The following CDKN1A variants were observed in gnomAD, a reference collection of about 807,000 sequenced individuals.
CDKN1A encodes cyclin-dependent kinase inhibitor 1.
Under a neutral mutation model 14.8 loss-of-function variants are expected in CDKN1A, and 14 were observed. The ratio of observed to expected loss-of-function variants is 0.94; its 90% CI spans 0.62 to 1.48. The LOEUF is 1.48. CDKN1A is among the 40% of genes most tolerant of loss of function. The pLI is 0.00. For missense variants in CDKN1A, 203 were observed against 231.7 expected, an observed-to-expected ratio of 0.88 and a Z score of 0.80; for synonymous variants, 92 against 93.5, an observed-to-expected ratio of 0.98 and a Z score of 0.09.
chr6:36,687,006 C>T lies in CDKN1A; in HGVS notation c.*1206C>T, dbSNP rs1181247844. 4.3e-6 allele frequency: 1 copy of T among 233,478 alleles called. No individual in the cohort carries two copies. Among genetic ancestry groups the T allele is most frequent in the African/African-American group, 2.2e-5 (1 of 45,334 alleles). The allele number at this position is 233,478 out of a possible 1,614,324, so 14.5% of individuals were successfully genotyped here. A position where few individuals can be genotyped will look rare whatever the true frequency, so the allele number is the denominator to read the frequency against. ...CATTTTAAGATGGTGGCAGTAGAGG[C>T]TATGGACAGGGCATGCCACGTGGGC... is the stretch of plus-strand genomic sequence containing the variant. On this transcript the variant is annotated 3_prime_UTR_variant, in exon 3 of 3. Coordinates refer to ENST00000244741, the MANE Select transcript of CDKN1A (RefSeq NM_000389.5).
chr6:36,677,210 G>A (rs1761722853), upstream of CDKN1A, among the ~76,000 whole-genome samples: 1 of 152,196 alleles, frequency 6.6e-6, no homozygotes, highest in Admixed American at 6.5e-5. Flanking sequence ...ATCCTGGCCT[G>A]ACTCCAGGGC....
chr6:36,684,408 C>G lies in CDKN1A; in HGVS notation c.307C>G (p.Gln103Glu), dbSNP rs1208209902. ...GCCTGGCACCTCACCTGCTCTGCTGCAGGGGACAGCAGAGGAAGACCATGT... is the reference window on the plus strand; with the variant it reads ...GCCTGGCACCTCACCTGCTCTGCTGGAGGGGACAGCAGAGGAAGACCATGT... Reference protein sequence around the residue: ...RRPGTSPALLQGTAEEDHVDL... With the variant: ...RRPGTSPALLEGTAEEDHVDL... Residue 103 changes from glutamine to glutamate, a missense_variant, in exon 2 of 3, where the codon CAG (glutamine) becomes GAG (glutamate). Gln to Glu is a conservative substitution (Grantham distance 29, BLOSUM62 2). Transcript: ENST00000244741. This position sits in a 1 kb window ranked among gnomAD's most constrained non-coding sequence, Gnocchi z 6.0. The G allele has an allele frequency of 6.2e-7, 1 of 1,613,392 alleles. No homozygotes were observed. The highest frequency in any genetic ancestry group is 8.5e-7 in the Non-Finnish European group (1 of 1,179,780).
At chr6:36,683,595 A>G (rs543672241) in intron 1 of CDKN1A, among the ~76,000 whole-genome samples, 22 of 152,326 alleles carry the variant, frequency 1.4e-4, no homozygotes, top group Non-Finnish European at 2.2e-4. Context: ...TACTTGGCAG[A>G]GCAGGGTTAC....
chr6:36,680,307 C>CGTGTGTGTGTGTGTGTGTGT lies in CDKN1A; in HGVS notation c.-6+1528_-6+1547dup, dbSNP rs59454180. Reference sequence around the variant, plus strand: ...GCGCGCGCGTGCGTGTCTGCGCGGGCGTGTGTGTGTGTGTGTGTGTGTGTG... The same window carrying CGTGTGTGTGTGTGTGTGTGT: ...GCGCGCGCGTGCGTGTCTGCGCGGGCGTGTGTGTGTGTGTGTGTGTGTGTGTGTGTGTGTGTGTGTGTGTG... On this transcript the variant is annotated intron_variant, in intron 1 of 2. Transcript: ENST00000244741. 4.2e-3 allele frequency among the ~76,000 whole-genome samples: 562 copies of CGTGTGTGTGTGTGTGTGTGT among 133,250 alleles called. 16 individuals carry two copies. Among genetic ancestry groups the CGTGTGTGTGTGTGTGTGTGT allele is most frequent in the Non-Finnish European group, 5.9e-3 (366 of 62,466 alleles). 87.4% of individuals were successfully genotyped at this position (133,250 alleles called of 152,430 possible).
chr6:36,681,207 T>C (rs551209736), intron 1 of CDKN1A, among the ~76,000 whole-genome samples: 12 of 152,104 alleles, frequency 7.9e-5, no homozygotes, highest in Admixed American at 2.6e-4. Flanking sequence ...CTGGATTAAG[T>C]TGGTCTCGGG....
At chr6:36,683,128 T>A (rs935518963) in intron 1 of CDKN1A, among the ~76,000 whole-genome samples, 2 of 152,208 alleles carry the variant, frequency 1.3e-5, no homozygotes, top group Non-Finnish European at 2.9e-5. Flanking sequence ...TAATCATACT[T>A]CTGTTTTCAA....
chr6:36,677,016 C>T (rs991476058), upstream of CDKN1A, among the ~76,000 whole-genome samples: 36 of 152,148 alleles, frequency 2.4e-4, no homozygotes, highest in Admixed American at 5.9e-4. Context: ...AATGTCTAGT[C>T]TATTTGAAAT....
At chr6:36,680,536 C>CAT (rs1191279154) in intron 1 of CDKN1A, 4 of 151,772 alleles carry the variant, frequency 2.6e-5, no homozygotes, top group African/African-American at 9.7e-5. Flanking sequence ...AGGAAACTGA[C>CAT]TCATCACTAC....
chr6:36,686,941 G>A lies in CDKN1A; in HGVS notation c.*1141G>A, dbSNP rs761473919. On this transcript the variant is annotated 3_prime_UTR_variant, in exon 3 of 3. Coordinates refer to ENST00000244741, the MANE Select transcript of CDKN1A (RefSeq NM_000389.5). The surrounding 1 kb of genome is among the most constrained non-coding windows in gnomAD (Gnocchi z 4.9). ...TCCTCATCCACCCCATCCCTCCCCA[G>A]TTCATTGCACTTTGATTAGCAGCGG... 8.1e-5 allele frequency: 19 copies of A among 233,742 alleles called. No individual in the cohort carries two copies. Among genetic ancestry groups the A allele is most frequent in the Admixed American group, 2.2e-4 (4 of 17,788 alleles). 14.5% of individuals were successfully genotyped at this position (233,742 alleles called of 1,614,324 possible).
rs1562041065 is a variant in CDKN1A at position 36,684,564 on chromosome 6, G to A, written c.445+18G>A. 2 of 1,610,932 alleles carry A rather than the reference G, an allele frequency of 1.2e-6. No homozygotes were observed. Among genetic ancestry groups the A allele is most frequent in the Non-Finnish European group, 1.7e-6 (2 of 1,177,536 alleles). On this transcript the variant is annotated intron_variant, in intron 2 of 2. Transcript: ENST00000244741. The surrounding 1 kb of genome is among the most constrained non-coding windows in gnomAD (Gnocchi z 6.0). ...CATGACAGGTGCGGACATGTGCACG[G>A]AAGGACTTTGTAAGGGACCAGGATT...
chr6:36,684,168 G>T lies in CDKN1A; in HGVS notation c.67G>T (p.Gly23Cys), dbSNP rs770464093. ...CAGCAAGGCCTGCCGCCGCCTCTTC[G>T]GCCCAGTGGACAGCGAGCAGCTGAG... Reference protein sequence around the residue: ...CGSKACRRLFGPVDSEQLSRD... With the variant: ...CGSKACRRLFCPVDSEQLSRD... The change falls in exon 2 of 3, where the codon GGC (glycine) becomes TGC (cysteine). Residue 23 changes from glycine (G) to cysteine (C), a missense_variant. By Grantham distance (159) the Gly-to-Cys change is radical. Transcript: ENST00000244741. This position sits in a 1 kb window ranked among gnomAD's most constrained non-coding sequence, Gnocchi z 6.0. 6.2e-7 allele frequency: 1 copy of T among 1,612,370 alleles called. No homozygotes were observed. Among genetic ancestry groups the T allele is most frequent in the South Asian group, 1.1e-5 (1 of 91,078 alleles).
At position 36,686,027 on chromosome 6, in the gene CDKN1A, A is replaced by G; in HGVS notation, c.*227A>G. ...TGAGAGGTTCCTAAGAGTGCTGGGC[A>G]TTTTTATTTTATGAAATACTATTTA... On this transcript the variant is annotated 3_prime_UTR_variant, in exon 3 of 3. Coordinates refer to ENST00000244741, the MANE Select transcript of CDKN1A (RefSeq NM_000389.5). This position sits in a 1 kb window ranked among gnomAD's most constrained non-coding sequence, Gnocchi z 4.9. 1 of 588,178 alleles carries G rather than the reference A, an allele frequency of 1.7e-6. No homozygotes were observed. Among genetic ancestry groups the G allele is most frequent in the Non-Finnish European group, 3.0e-6 (1 of 330,372 alleles). The allele number at this position is 588,178 out of a possible 1,614,324, so 36.4% of individuals were successfully genotyped here.
At chr6:36,680,805 A>C (rs1009535142) in intron 1 of CDKN1A, 2 of 152,292 alleles carry the variant, frequency 1.3e-5, no homozygotes, top group Admixed American at 6.5e-5. Flanking sequence ...ATATGGCTGA[A>C]GTCTAAGGCA....
upstream of CDKN1A, chr6:36,677,812 G>A (rs1326858036): frequency 3.2e-6 from 4 of 1,252,066 alleles, no homozygotes; most frequent in East Asian, 7.0e-5. Flanking sequence ...CTGAGCCCCA[G>A]TTTCCCCAGC....
intron 1 of CDKN1A, among the ~76,000 whole-genome samples, chr6:36,681,875 T>C (rs976892597): frequency 6.6e-6 from 1 of 152,122 alleles, no homozygotes; most frequent in Non-Finnish European, 1.5e-5. Context: ...ATTACAGGTG[T>C]GAGACACTGC....
Position 36,684,230 on chromosome 6 carries a change from G to A in CDKN1A, c.129G>A (p.Gln43=), listed in dbSNP as rs2150313215. 6.2e-7 allele frequency: 1 copy of A among 1,612,110 alleles called. No individual in the cohort carries two copies. The highest frequency in any genetic ancestry group is 8.5e-7 in the Non-Finnish European group (1 of 1,179,982). The change falls in exon 2 of 3, where the codon CAG becomes CAA. Residue 43 remains glutamine, a synonymous_variant. Coordinates refer to ENST00000244741, the MANE Select transcript of CDKN1A (RefSeq NM_000389.5). This position sits in a 1 kb window ranked among gnomAD's most constrained non-coding sequence, Gnocchi z 6.0. The part of the protein sequence containing the change: ...DCDALMAGCI[Q]EARERWNFDF... ...ATGCGCTAATGGCGGGCTGCATCCA[G>A]GAGGCCCGTGAGCGATGGAACTTCG...
intron 2 of CDKN1A, 142 bp from the exon 3 acceptor site, chr6:36,685,608 TC>T: frequency 2.5e-6 from 2 of 814,398 alleles, no homozygotes; most frequent in Non-Finnish European, 4.3e-6. Flanking sequence ...GAGTGGACGT[TC>T]CCCGAGTTCT....
rs982916069 is a variant in CDKN1A, at chr6:36,687,215, A to G, written c.*1415A>G. 1 of 233,130 alleles carries G rather than the reference A, an allele frequency of 4.3e-6. No homozygotes were observed. The highest frequency in any genetic ancestry group is 8.5e-6 in the Non-Finnish European group (1 of 118,026). 14.4% of individuals were successfully genotyped at this position (233,130 alleles called of 1,614,324 possible). A position where few individuals can be genotyped will look rare whatever the true frequency, so the allele number is the denominator to read the frequency against. ...TGTCCTGGTTCCCGTTTCTCCACCT[A>G]GACTGTAAACCTCTCGAGGGCAGGG... On this transcript the variant is annotated 3_prime_UTR_variant, in exon 3 of 3. Coordinates refer to ENST00000244741, the MANE Select transcript of CDKN1A (RefSeq NM_000389.5).
chr6:36,678,574 T>C (rs2150304662), upstream of CDKN1A: 2 of 808,686 alleles, frequency 2.5e-6, no homozygotes, highest in Non-Finnish European at 3.0e-6. The surrounding 1 kb of genome is among the most constrained non-coding windows in gnomAD (Gnocchi z 5.7). Flanking sequence ...CTCAGCTGGC[T>C]CGGCGCTGGG....
Sources: gnomAD v4.1 joint callset for allele counts (sites outside exome capture counted in the v4.1 genomes callset) on GRCh38, gnomAD v4.1.1 for gene constraint, Gnocchi (gnomAD v3.1) non-coding constraint, MANE v1.5 for transcripts, NCBI Gene and HGNC (gene_info 2026-07-23, HGNC 2026-07-21) for gene names.